Variants in ZNF385D observed in about 807,000 individuals in gnomAD.
The protein encoded by ZNF385D is zinc finger protein 659.
In ZNF385D, 15 loss-of-function variants were observed where a neutral mutation model predicts 35.8. The observed-to-expected ratio is 0.42, with a 90% CI of 0.28 to 0.64. The LOEUF (loss-of-function observed/expected upper bound fraction) is 0.64. Among genes scored for constraint, ZNF385D ranks in the 30% least tolerant of loss-of-function variants. The pLI is 0.23. For missense variants in ZNF385D, 474 were observed against 494.6 expected, an observed-to-expected ratio of 0.96 and a Z score of 0.39; for synonymous variants, 212 against 186.8, an observed-to-expected ratio of 1.13 and a Z score of -1.10.
intron 3 of ZNF385D, among the ~76,000 whole-genome samples, chr3:21,886,081 G>A (rs1698532677): frequency 6.6e-6 from 1 of 152,100 alleles, no homozygotes; most frequent in Admixed American, 6.6e-5. Flanking sequence ...GCCCAGTCAA[G>A]TTGGCACATA....
chr3:21,780,547 G>C (rs1239576393), intron 3 of ZNF385D, among the ~76,000 whole-genome samples: 2 of 152,008 alleles, frequency 1.3e-5, no homozygotes, highest in African/African-American at 4.8e-5. Flanking sequence ...AATTTTCAGA[G>C]TGAGTTTGTT....
chr3:21,707,102 A>AT (rs564227474), intron 1 of ZNF385D, among the ~76,000 whole-genome samples: 8 of 151,346 alleles, frequency 5.3e-5, no homozygotes, highest in South Asian at 2.1e-4. Context: ...AATATTTGTT[A>AT]TTTTTTTTTA....
intron 2 of ZNF385D, among the ~76,000 whole-genome samples, chr3:21,588,537 CAT>C (rs1452591386): frequency 2.0e-5 from 3 of 151,870 alleles, no homozygotes; most frequent in East Asian, 1.9e-4. Flanking sequence ...ATAGAGATAA[CAT>C]ATACAATATA....
chr3:21,855,242 T>C (rs945010470), intron 3 of ZNF385D, among the ~76,000 whole-genome samples: 1 of 152,044 alleles, frequency 6.6e-6, no homozygotes, highest in Non-Finnish European at 1.5e-5. Flanking sequence ...ATTTGTTTGC[T>C]TTCCCTTAAG....
intron 3 of ZNF385D, among the ~76,000 whole-genome samples, chr3:22,130,577 A>G (rs1703723754): frequency 6.6e-6 from 1 of 152,158 alleles, no homozygotes; most frequent in Non-Finnish European, 1.5e-5. Flanking sequence ...ACAGGGCAGC[A>G]CTGAGTTCCA....
intron 3 of ZNF385D, among the ~76,000 whole-genome samples, chr3:22,122,962 T>C (rs1050830440): frequency 6.6e-6 from 1 of 152,080 alleles, no homozygotes; most frequent in African/African-American, 2.4e-5. Context: ...GGAGATAAGA[T>C]CATATAGGGC....
chr3:21,906,793 T>C (rs2125906486), intron 3 of ZNF385D, among the ~76,000 whole-genome samples: 1 of 152,326 alleles, frequency 6.6e-6, no homozygotes, highest in South Asian at 2.1e-4. Context: ...GCCTCTGGTA[T>C]GACCAGGTGA....
At chr3:22,257,440 T>C (rs570933863) in intron 2 of ZNF385D, among the ~76,000 whole-genome samples, 51 of 151,968 alleles carry the variant, frequency 3.4e-4, no homozygotes, top group African/African-American at 1.2e-3. Flanking sequence ...TGATGTGCAA[T>C]TGCATCATCA....
At chr3:22,202,359 T>C (rs1358464674) in intron 2 of ZNF385D, among the ~76,000 whole-genome samples, 1 of 152,034 alleles carries the variant, frequency 6.6e-6, no homozygotes, top group Non-Finnish European at 1.5e-5. Context: ...CAGAAGCAAA[T>C]GGAAGGACTT....
intron 3 of ZNF385D, among the ~76,000 whole-genome samples, chr3:22,122,169 A>T: frequency 6.6e-6 from 1 of 152,110 alleles, no homozygotes; most frequent in East Asian, 1.9e-4. Context: ...TACCTTGGGT[A>T]AAAATCTGAC....
chr3:22,177,585 T>G (rs1694921752), intron 2 of ZNF385D, among the ~76,000 whole-genome samples: 1 of 152,268 alleles, frequency 6.6e-6, no homozygotes. Context: ...GACTATGACT[T>G]TTTTTTATTA....
intron 2 of ZNF385D, among the ~76,000 whole-genome samples, chr3:22,196,532 C>G (rs1484310348): frequency 6.6e-6 from 1 of 151,682 alleles, no homozygotes; most frequent in Non-Finnish European, 1.5e-5. Flanking sequence ...CATTTATTCT[C>G]TGTTATCTTG....
chr3:22,319,481 A>T (rs11129050), intron 2 of ZNF385D, among the ~76,000 whole-genome samples: 34,429 of 152,050 alleles, frequency 0.23, 4,032 homozygotes, highest in African/African-American at 0.24. Flanking sequence ...CAGTACTGGG[A>T]AACTTTGGGG....
intron 3 of ZNF385D, among the ~76,000 whole-genome samples, chr3:21,897,805 G>A (rs964662369): frequency 6.6e-6 from 1 of 152,130 alleles, no homozygotes; most frequent in African/African-American, 2.4e-5. Context: ...ATGCATTCAT[G>A]TGATCACCAT....
intron 3 of ZNF385D, among the ~76,000 whole-genome samples, chr3:21,556,585 T>A (rs985526657): frequency 6.6e-6 from 1 of 152,170 alleles, no homozygotes; most frequent in Non-Finnish European, 1.5e-5. Context: ...GATCTATATA[T>A]CTGTTTTGGT....
chr3:22,306,444 AT>A (rs960739122), intron 2 of ZNF385D, among the ~76,000 whole-genome samples: 2 of 151,790 alleles, frequency 1.3e-5, no homozygotes, highest in Admixed American at 6.6e-5. Context: ...AAGCTGGTCT[AT>A]TTTCATCTCT....
At chr3:22,364,262 G>A (rs1383583088) in intron 2 of ZNF385D, among the ~76,000 whole-genome samples, 1 of 151,904 alleles carries the variant, frequency 6.6e-6, no homozygotes, top group African/African-American at 2.4e-5. Flanking sequence ...AGACAAATAG[G>A]ACTTTATGAA....
rs529896586 is a variant in ZNF385D, at chr3:21,646,765, A to G, written c.165+18121T>C. ...TCCTTATATCATCTGGGAATGTATTAAACCTGCATTCTGGGCCTATGGCTT... is the reference window on the plus strand; with the variant it reads ...TCCTTATATCATCTGGGAATGTATTGAACCTGCATTCTGGGCCTATGGCTT... On this transcript the variant is annotated intron_variant, in intron 2 of 7. Transcript: ENST00000281523. This position sits in a 1 kb window ranked among gnomAD's most constrained non-coding sequence, Gnocchi z 4.3. Among the ~76,000 whole-genome samples, 1 of 152,300 alleles carries G rather than the reference A, an allele frequency of 6.6e-6. No individual in the cohort carries two copies. Among genetic ancestry groups the G allele is most frequent in the East Asian group, 1.9e-4 (1 of 5,170 alleles).
At chr3:21,992,843 A>G (rs766677328) in intron 3 of ZNF385D, among the ~76,000 whole-genome samples, 1 of 152,156 alleles carries the variant, frequency 6.6e-6, no homozygotes, top group East Asian at 1.9e-4. Context: ...TGCAATAAAA[A>G]TCTTCATGTG....
Sources: gnomAD v4.1 joint callset for allele counts (sites outside exome capture counted in the v4.1 genomes callset) on GRCh38, gnomAD v4.1.1 for gene constraint, Gnocchi (gnomAD v3.1) non-coding constraint, MANE v1.5 for transcripts, NCBI Gene and HGNC (gene_info 2026-07-23, HGNC 2026-07-21) for gene names.